DPYD: variants seen among roughly 807,000 people sequenced by gnomAD.
DPYD encodes dihydropyrimidine dehydrogenase [NADP(+)].
DPYD carries 109 observed loss-of-function variants against 116.2 expected under a neutral mutation model. The observed-to-expected ratio is 0.94, with a 90% CI of 0.80 to 1.10. The LOEUF is 1.10. Among genes scored for constraint, DPYD ranks in the 50% least tolerant of loss-of-function variants. The pLI is 0.00. For synonymous variants in DPYD, 440 were observed against 432.0 expected (o/e 1.02, Z -0.23); for missense variants, 1,302 against 1,254.5 (o/e 1.04, Z -0.57).
intron 3 of DPYD, among the ~76,000 whole-genome samples, chr1:97,773,563 CGA>C (rs1197382748): frequency 2.6e-5 from 4 of 152,092 alleles, no homozygotes; most frequent in Non-Finnish European, 5.9e-5. Flanking sequence ...ATAAAAACCC[CGA>C]GACACGAGGA....
intron 16 of DPYD, among the ~76,000 whole-genome samples, chr1:97,325,551 C>A (rs1668666150): frequency 6.6e-6 from 1 of 151,944 alleles, no homozygotes; most frequent in Non-Finnish European, 1.5e-5. Flanking sequence ...TTAGGCCATT[C>A]TGGGTTTGGT....
chr1:97,847,666 T>C (rs904363296), intron 2 of DPYD, among the ~76,000 whole-genome samples: 1 of 152,128 alleles, frequency 6.6e-6, no homozygotes, highest in Non-Finnish European at 1.5e-5. Context: ...CTTACAGAAT[T>C]AAAATATAGT....
chr1:97,535,211 A>C (rs1649906544), intron 12 of DPYD, among the ~76,000 whole-genome samples: 1 of 152,168 alleles, frequency 6.6e-6, no homozygotes, highest in Non-Finnish European at 1.5e-5. Context: ...TTGAGATTCA[A>C]CTTTACTAAA....
At chr1:97,187,587 G>A (rs1331340533) in intron 20 of DPYD, among the ~76,000 whole-genome samples, 2 of 151,888 alleles carry the variant, frequency 1.3e-5, no homozygotes, top group Admixed American at 6.6e-5. Context: ...AGTCCCATTT[G>A]TCTATTTTTG....
intron 4 of DPYD, among the ~76,000 whole-genome samples, chr1:97,738,210 G>C (rs952955311): frequency 6.6e-6 from 1 of 152,068 alleles, no homozygotes; most frequent in Non-Finnish European, 1.5e-5. Flanking sequence ...TTTTTTAAAA[G>C]AAAACCTATC....
At chr1:97,276,977 C>T (rs1457473909) in intron 18 of DPYD, among the ~76,000 whole-genome samples, 2 of 152,058 alleles carry the variant, frequency 1.3e-5, no homozygotes, top group African/African-American at 2.4e-5. Context: ...CAATGGTGAA[C>T]TGAATAAAGA....
intron 8 of DPYD, among the ~76,000 whole-genome samples, chr1:97,651,519 T>C (rs1658583797): frequency 2.0e-5 from 3 of 152,128 alleles, no homozygotes; most frequent in East Asian, 1.9e-4. Context: ...TCAAACATTA[T>C]CATTTTCTAT....
chr1:97,261,288 T>C (rs1472187369), intron 18 of DPYD, among the ~76,000 whole-genome samples: 1 of 152,014 alleles, frequency 6.6e-6, no homozygotes, highest in Non-Finnish European at 1.5e-5. Flanking sequence ...CGCTGGGCAC[T>C]GTGATGGACA....
chr1:97,720,003 T>C (rs941474097), intron 5 of DPYD: 2 of 984,958 alleles, frequency 2.0e-6, no homozygotes, highest in African/African-American at 1.7e-5. Context: ...TGAAGGCACA[T>C]GTCTCTGTCT....
intron 16 of DPYD, among the ~76,000 whole-genome samples, chr1:97,332,385 C>G (rs979496177): frequency 1.3e-5 from 2 of 152,134 alleles, no homozygotes; most frequent in African/African-American, 4.8e-5. Context: ...TAAACACACA[C>G]GCATATATGT....
intron 1 of DPYD, among the ~76,000 whole-genome samples, chr1:97,901,823 T>A (rs998658211): frequency 6.6e-6 from 1 of 151,842 alleles, no homozygotes; most frequent in African/African-American, 2.4e-5. Flanking sequence ...AGCTAAGATT[T>A]TTCTTTAATT....
intron 5 of DPYD, among the ~76,000 whole-genome samples, chr1:97,712,416 C>T (rs114658708): frequency 0.014 from 2,153 of 151,760 alleles, 21 homozygotes; most frequent in Middle Eastern, 0.024. Flanking sequence ...TTAAACTCAC[C>T]GTTGATTTTT....
intron 14 of DPYD, among the ~76,000 whole-genome samples, chr1:97,440,358 G>C (rs1057276125): frequency 1.3e-5 from 2 of 151,168 alleles, no homozygotes; most frequent in African/African-American, 4.9e-5. Flanking sequence ...TTAATGGTTA[G>C]GTTTAACTCT....
chr1:97,295,820 T>C (rs548570262), intron 18 of DPYD: 1 of 922,408 alleles, frequency 1.1e-6, no homozygotes, highest in South Asian at 5.0e-5. Context: ...TTAGTTGTCA[T>C]AAAGTTGTGT....
intron 18 of DPYD, among the ~76,000 whole-genome samples, chr1:97,280,413 GAT>G (rs1665244732): frequency 6.6e-6 from 1 of 152,056 alleles, no homozygotes. Flanking sequence ...CAAAGAAAAT[GAT>G]ATCAATATGC....
At chr1:97,797,048 C>G (rs1406529621) in intron 3 of DPYD, 1 of 152,068 alleles carries the variant, frequency 6.6e-6, no homozygotes, top group Non-Finnish European at 1.5e-5. Flanking sequence ...TATCTGTTGA[C>G]TGAACTAGTT....
At chr1:97,181,910 G>A (rs571105134) in intron 20 of DPYD, among the ~76,000 whole-genome samples, 2 of 152,206 alleles carry the variant, frequency 1.3e-5, no homozygotes, top group Non-Finnish European at 2.9e-5. Context: ...AGACTTCTGT[G>A]TACATATATG....
chr1:97,266,518 G>T (rs1664235715), intron 18 of DPYD, among the ~76,000 whole-genome samples: 1 of 152,078 alleles, frequency 6.6e-6, no homozygotes, highest in Non-Finnish European at 1.5e-5. Flanking sequence ...GTAATGAACA[G>T]ATATTCATTT....
At chr1:97,848,106 C>CT (rs1018529304) in intron 2 of DPYD, among the ~76,000 whole-genome samples, 3 of 151,532 alleles carry the variant, frequency 2.0e-5, no homozygotes, top group South Asian at 2.1e-4. Flanking sequence ...AATATCACTT[C>CT]TTTTTTTTTG....
Sources: gnomAD v4.1 joint callset for allele counts (sites outside exome capture counted in the v4.1 genomes callset) on GRCh38, gnomAD v4.1.1 for gene constraint, MANE v1.5 for transcripts, NCBI Gene and HGNC (gene_info 2026-07-23, HGNC 2026-07-21) for gene names.